SNX8: variants seen among roughly 807,000 people sequenced by gnomAD.
SNX8 encodes sorting nexin 8.
SNX8 carries 25 observed loss-of-function variants against 51.6 expected under a neutral mutation model. The ratio of observed to expected loss-of-function variants is 0.48; its 90% CI spans 0.35 to 0.68. The LOEUF is 0.68. Ranked by LOEUF, SNX8 falls within the 30% of genes least tolerant of loss-of-function variation. The pLI is 0.00. For synonymous variants in SNX8, 324 were observed against 277.0 expected, an observed-to-expected ratio of 1.17 and a Z score of -1.68; for missense variants, 695 against 624.0, an observed-to-expected ratio of 1.11 and a Z score of -1.21.
At chr7:2,328,825 C>T (rs1778675315) in intron 1 of SNX8, among the ~76,000 whole-genome samples, 1 of 151,922 alleles carries the variant, frequency 6.6e-6, no homozygotes, top group African/African-American at 2.4e-5. Context: ...GTGGCTCACG[C>T]CTGTAATCCC....
intron 3 of SNX8, 46 bp from the exon 4 acceptor site, chr7:2,272,017 C>T (rs1189713711): frequency 1.2e-6 from 2 of 1,608,140 alleles, no homozygotes; most frequent in Non-Finnish European, 1.7e-6. Flanking sequence ...GGGCGCCGGC[C>T]CCCATCTTCT....
In SNX8 at chr7:2,297,550, C is replaced by CAAAA. The variant is rs145543350; in HGVS notation, c.94+16774_94+16777dup. Among the ~76,000 whole-genome samples, 357 of 40,260 alleles carry CAAAA rather than the reference C, an allele frequency of 8.9e-3. 64 individuals are homozygous for CAAAA. The highest frequency in any genetic ancestry group is 0.011 in the Admixed American group (29 of 2,586). 26.4% of individuals were successfully genotyped at this position (40,260 alleles called of 152,430 possible). ...GGGCAACAGGAGCAAAACCCCGCCGCAAAAAAAAAAAAAAAAAAAAAAAAA... is the reference window on the plus strand; with the variant it reads ...GGGCAACAGGAGCAAAACCCCGCCGCAAAAAAAAAAAAAAAAAAAAAAAAAAAAA... On this transcript the variant is annotated intron_variant, in intron 1 of 10. Coordinates refer to ENST00000222990, the MANE Select transcript of SNX8 (RefSeq NM_013321.4).
At chr7:2,266,501 C>T (rs1296129475) in intron 5 of SNX8, among the ~76,000 whole-genome samples, 2 of 152,130 alleles carry the variant, frequency 1.3e-5, no homozygotes, top group South Asian at 2.1e-4. Flanking sequence ...TGCACGCCAC[C>T]GCACCCAGCT....
intron 1 of SNX8, among the ~76,000 whole-genome samples, chr7:2,352,496 C>T (rs1007334156): frequency 6.6e-6 from 1 of 152,094 alleles, no homozygotes; most frequent in Admixed American, 6.6e-5. Context: ...TTAGTTATTG[C>T]TGTTAATCTC....
Position 2,285,078 on chromosome 7 carries a change from G to A in SNX8, c.95-6773C>T, listed in dbSNP as rs146094598. 3.3e-3 allele frequency among the ~76,000 whole-genome samples: 501 copies of A among 152,084 alleles called. 4 individuals are homozygous for A. In the South Asian group the frequency reaches 0.039, roughly 12 times the overall value. On this transcript the variant is annotated intron_variant, in intron 1 of 10. Transcript: ENST00000222990. Reference sequence around the variant, plus strand: ...ATACAAAAAATTAGCCGGGTGTGGTGGCGGACACCTGTAGTCCCAGCTACT... The same window carrying A: ...ATACAAAAAATTAGCCGGGTGTGGTAGCGGACACCTGTAGTCCCAGCTACT...
chr7:2,283,890 G>C (rs1227307138), intron 1 of SNX8, among the ~76,000 whole-genome samples: 1 of 152,180 alleles, frequency 6.6e-6, no homozygotes, highest in East Asian at 1.9e-4. Context: ...CAGTGTCCAG[G>C]GTTCCAGCGA....
chr7:2,269,372 A>C (rs1323017314), intron 5 of SNX8, among the ~76,000 whole-genome samples, 187 bp downstream of exon 5: 1 of 150,580 alleles, frequency 6.6e-6, no homozygotes, highest in East Asian at 1.9e-4. Context: ...GGACACAAAC[A>C]CTGCGGAAGG....
At chr7:2,351,695 G>A (rs1416269954) in intron 1 of SNX8, among the ~76,000 whole-genome samples, 4 of 151,730 alleles carry the variant, frequency 2.6e-5, no homozygotes, top group South Asian at 4.2e-4. Flanking sequence ...GCCGGGTGTG[G>A]TGGCAGGCGC....
intron 1 of SNX8, among the ~76,000 whole-genome samples, chr7:2,313,545 G>C (rs144755532): frequency 1.1e-3 from 167 of 148,822 alleles, no homozygotes; most frequent in African/African-American, 3.7e-3. Flanking sequence ...AAAAAGAAAA[G>C]AAAAGAAAAA....
At position 2,269,571 on chromosome 7, in the gene SNX8, A is replaced by G. The variant is rs151109568; in HGVS notation, c.609T>C (p.Ala203=). Residue 203 remains alanine (A), a synonymous_variant, in exon 5 of 11, where the codon GCT becomes GCC. Coordinates refer to ENST00000222990, the MANE Select transcript of SNX8 (RefSeq NM_013321.4). ...VGDEFLNCKL[A]TRAKDFLPAD... ...AAAAGAAAAATACCTTGGCCCTGGT[A>G]GCCAGCTTACAGTTCAGGAATTCGT... 13 of 1,562,088 alleles carry G rather than the reference A, an allele frequency of 8.3e-6. No homozygotes were observed. In the African/African-American group the frequency reaches 1.2e-4, roughly 15 times the overall value.
intron 1 of SNX8, among the ~76,000 whole-genome samples, chr7:2,329,630 T>C (rs1042847415): frequency 6.6e-6 from 1 of 152,174 alleles, no homozygotes; most frequent in African/African-American, 2.4e-5. Flanking sequence ...TCCCAGACTG[T>C]GTCCAGCCCT....
intron 1 of SNX8, chr7:2,309,744 G>T (rs1191418057): frequency 8.8e-6 from 4 of 454,186 alleles, no homozygotes; most frequent in Non-Finnish European, 1.4e-5. Context: ...AAAAAAAAAA[G>T]TATAAACTTT....
chr7:2,255,927 T>C (rs1269001112), intron 10 of SNX8, among the ~76,000 whole-genome samples: 1 of 152,156 alleles, frequency 6.6e-6, no homozygotes, highest in Non-Finnish European at 1.5e-5. Context: ...GGGCGCACCC[T>C]GGGGGCCTGC....
At chr7:2,259,203 ACAGCTCACCACAGACCCCC>A (rs1278602827) in intron 7 of SNX8, among the ~76,000 whole-genome samples, 1 of 152,132 alleles carries the variant, frequency 6.6e-6, no homozygotes. Context: ...CCTGACCTGC[ACAGCTCACCACAGACCCCC>A]CAGCCACAAC....
At chr7:2,336,533 C>A (rs10249034) in intron 1 of SNX8, among the ~76,000 whole-genome samples, 1 of 151,746 alleles carries the variant, frequency 6.6e-6, no homozygotes, top group African/African-American at 2.4e-5. Context: ...GCAGTGAAAT[C>A]CCTTCTCTAC....
At chr7:2,308,559 G>A (rs368694312) in intron 1 of SNX8, among the ~76,000 whole-genome samples, 2 of 151,182 alleles carry the variant, frequency 1.3e-5, no homozygotes, top group African/African-American at 2.4e-5. Context: ...TCCCAACTAC[G>A]GGGGAGACTG....
rs1174171980 is a variant in SNX8 at position 2,278,293 on chromosome 7, G to C, written c.107C>G (p.Pro36Arg). 2 of 1,573,700 alleles carry C rather than the reference G, an allele frequency of 1.3e-6. No homozygotes were observed. Among genetic ancestry groups the C allele is most frequent in the East Asian group, 4.5e-5 (2 of 44,142 alleles). The change falls in exon 2 of 11, where the codon CCC becomes CGC. Residue 36 changes from proline (P) to arginine (R), a missense_variant. Transcript: ENST00000222990. ...GATGGCCTGGGGCTCGATGGCCTGG[G>C]GTGTCGGCAGATCTGCAGGGGAGAT... ...ADPPASDLPT[P>R]QAIEPQAIVQ...
chr7:2,278,271 G>A lies in SNX8; in HGVS notation c.129C>T (p.Ala43=), dbSNP rs754102215. The A allele has an allele frequency of 1.4e-5, 22 of 1,592,640 alleles. No individual in the cohort carries two copies. The South Asian group carries it at 2.1e-4, about 15-fold the overall frequency. ...TGGGGGCTGGGACCTGCTGCACGAT[G>A]GCCTGGGGCTCGATGGCCTGGGGTG... ...LPTPQAIEPQ[A]IVQQVPAPSR... is the part of the protein sequence containing the mutation. The change falls in exon 2 of 11, where the codon GCC becomes GCT. Residue 43 remains alanine (A), a synonymous_variant. Coordinates refer to ENST00000222990, the MANE Select transcript of SNX8 (RefSeq NM_013321.4).
intron 1 of SNX8, among the ~76,000 whole-genome samples, chr7:2,284,091 G>A (rs1239026694): frequency 2.6e-5 from 4 of 151,816 alleles, no homozygotes; most frequent in African/African-American, 7.3e-5. Context: ...CACCACGCCC[G>A]GCTAATTTTT....
Sources: allele counts gnomAD v4.1 joint callset (sites outside exome capture counted in the v4.1 genomes callset), GRCh38; gene constraint gnomAD v4.1.1; transcripts MANE v1.5; gene names NCBI Gene and HGNC (gene_info 2026-07-23, HGNC 2026-07-21).